RGS6: variants seen among roughly 807,000 people sequenced by gnomAD.
RGS6 encodes the protein regulator of G-protein signaling 6.
Under a neutral mutation model 78.5 loss-of-function variants are expected in RGS6, and 30 were observed. The observed-to-expected ratio is 0.38, with a 90% CI of 0.29 to 0.52. The LOEUF (loss-of-function observed/expected upper bound fraction) is 0.52, where lower values mean the gene tolerates loss of function less well. Ranked by LOEUF, RGS6 falls within the 20% of genes least tolerant of loss-of-function variation. The probability of loss-of-function intolerance (pLI) is 0.85; values close to 1 mark genes in which losing one functional copy is unlikely to be tolerated. For missense variants in RGS6, 495 were observed against 609.7 expected (o/e 0.81, Z 1.98); for synonymous variants, 206 against 206.0 (o/e 1.00, Z 0.00).
chr14:71,980,375 G>A (rs1415844147), intron 2 of RGS6, among the ~76,000 whole-genome samples: 1 of 150,874 alleles, frequency 6.6e-6, no homozygotes, highest in Non-Finnish European at 1.5e-5. Context: ...TTTACATTTT[G>A]GTATGATTTT....
chr14:72,456,104 C>G lies in RGS6; in HGVS notation c.235+1526C>G, dbSNP rs191578812. Among the ~76,000 whole-genome samples, 100 of 152,198 alleles carry G rather than the reference C, an allele frequency of 6.6e-4. 1 individual carries two copies. The East Asian group carries it at 0.016, about 24-fold the overall frequency. ...TGAAAATCTGTTATACTCTGATGCC[C>G]TTGGGAAGACATCATGGTATAGGGG... On this transcript the variant is annotated intron_variant, in intron 4 of 17. Coordinates refer to ENST00000553525, the MANE Select transcript of RGS6 (RefSeq NM_001204424.2).
rs762197558 is a variant in RGS6, at chr14:72,423,829, C to CA, written c.185-30695dup. Among the ~76,000 whole-genome samples, 20 of 151,908 alleles carry CA rather than the reference C, an allele frequency of 1.3e-4. No homozygotes were observed. The East Asian group carries it at 1.7e-3, about 13-fold the overall frequency. On this transcript the variant is annotated intron_variant, in intron 3 of 17. Coordinates refer to ENST00000553525, the MANE Select transcript of RGS6 (RefSeq NM_001204424.2). ...GTACCCCCGAGCCTAAAATAAAAGT[C>CA]AAAACAAAATATTCATTCCCAAATC...
intron 11 of RGS6, 38 bp downstream of exon 11, chr14:72,476,878 G>C (rs376357266): frequency 8.3e-6 from 13 of 1,563,558 alleles, no homozygotes; most frequent in Non-Finnish European, 1.1e-5. Flanking sequence ...AGGAGGAGAC[G>C]TGGCCAGTTT....
chr14:71,941,714 A>T (rs1253678912), intron 1 of RGS6, among the ~76,000 whole-genome samples: 1 of 152,194 alleles, frequency 6.6e-6, no homozygotes, highest in African/African-American at 2.4e-5. Context: ...ATTCGCTGGA[A>T]GCTGATTAGA....
intron 2 of RGS6, among the ~76,000 whole-genome samples, chr14:72,247,323 A>G (rs2054483863): frequency 6.6e-6 from 1 of 152,184 alleles, no homozygotes; most frequent in African/African-American, 2.4e-5. Context: ...GAAGTATCCC[A>G]TTAAAATGTA....
intron 2 of RGS6, among the ~76,000 whole-genome samples, chr14:72,124,289 C>T (rs947240473): frequency 1.3e-5 from 2 of 152,002 alleles, no homozygotes; most frequent in Non-Finnish European, 2.9e-5. Flanking sequence ...TTAGAAACTC[C>T]CAGAGATCTC....
the RGS6 span, among the ~76,000 whole-genome samples, chr14:72,604,156 C>T: frequency 6.6e-6 from 1 of 152,128 alleles, no homozygotes; most frequent in African/African-American, 2.4e-5. Context: ...GAAAATGGCC[C>T]TCTGTGTGTC....
At chr14:72,071,086 C>A (rs527811040) in intron 2 of RGS6, among the ~76,000 whole-genome samples, 23 of 151,874 alleles carry the variant, frequency 1.5e-4, no homozygotes, top group African/African-American at 5.6e-4. Context: ...TTTTTTAGTT[C>A]TACCACCTAT....
At chr14:72,575,497 A>G in the RGS6 span, among the ~76,000 whole-genome samples, 1 of 152,154 alleles carries the variant, frequency 6.6e-6, no homozygotes, top group Non-Finnish European at 1.5e-5. Flanking sequence ...TCTTGGACAG[A>G]GTTCATAGGT....
chr14:72,383,796 A>C (rs1484832227), intron 3 of RGS6, among the ~76,000 whole-genome samples: 2 of 152,110 alleles, frequency 1.3e-5, no homozygotes, highest in Non-Finnish European at 2.9e-5. Context: ...GCAGGCTTTC[A>C]AAGGGTGGGG....
intron 3 of RGS6, among the ~76,000 whole-genome samples, chr14:72,374,993 G>A (rs1210476320): frequency 1.3e-5 from 2 of 152,272 alleles, no homozygotes; most frequent in African/African-American, 4.8e-5. Context: ...ACATTAAACA[G>A]CAGATTTGAC....
chr14:72,592,640 T>C, the RGS6 span, among the ~76,000 whole-genome samples: 3 of 152,312 alleles, frequency 2.0e-5, no homozygotes, highest in African/African-American at 7.2e-5. Flanking sequence ...AAAATTTATT[T>C]GGAAAAAAAT....
chr14:72,486,344 C>T (rs546661218), intron 12 of RGS6, among the ~76,000 whole-genome samples: 8 of 152,290 alleles, frequency 5.3e-5, no homozygotes, highest in South Asian at 4.1e-4. Flanking sequence ...ACCTCACTTG[C>T]GTCAGGTATC....
intron 12 of RGS6, among the ~76,000 whole-genome samples, chr14:72,489,751 G>A (rs55943582): frequency 0.18 from 22,049 of 120,586 alleles, 1,665 homozygotes; most frequent in Admixed American, 0.26. Context: ...GAGACGAGGC[G>A]AGGCGAGGTG....
At chr14:72,521,344 C>T (rs771357522) in intron 15 of RGS6, among the ~76,000 whole-genome samples, 2 of 152,144 alleles carry the variant, frequency 1.3e-5, no homozygotes, top group African/African-American at 4.8e-5. Context: ...CATAGTATTC[C>T]GTTGTGTGGA....
intron 3 of RGS6, among the ~76,000 whole-genome samples, chr14:72,428,897 T>C (rs762927167): frequency 3.9e-5 from 6 of 151,932 alleles, no homozygotes; most frequent in Admixed American, 6.6e-5. Context: ...CTAGAAGGAG[T>C]GATTCTGCAA....
intron 2 of RGS6, among the ~76,000 whole-genome samples, chr14:72,264,038 A>G (rs2058622155): frequency 6.6e-6 from 1 of 152,190 alleles, no homozygotes; most frequent in Non-Finnish European, 1.5e-5. Flanking sequence ...TCTCATTAAC[A>G]TTTCTGCAGA....
rs374416055 is a variant in RGS6, at chr14:72,078,714, G to A, written c.84+113839G>A. On this transcript the variant is annotated intron_variant, in intron 2 of 17. Transcript: ENST00000553525. ...ATTACAGGCGTGAGCCACTGCGCCCGGCCAGGTATTTCTTTATAGCAGTGT... is the reference window on the plus strand; with the variant it reads ...ATTACAGGCGTGAGCCACTGCGCCCAGCCAGGTATTTCTTTATAGCAGTGT... 1.2e-4 allele frequency among the ~76,000 whole-genome samples: 19 copies of A among 152,188 alleles called. No individual in the cohort carries two copies. The South Asian group carries it at 2.5e-3, about 20-fold the overall frequency.
chr14:72,456,697 GTTCT>G (rs775952704), intron 4 of RGS6, among the ~76,000 whole-genome samples: 2 of 152,132 alleles, frequency 1.3e-5, no homozygotes, highest in Non-Finnish European at 2.9e-5. Flanking sequence ...ACAGGATTTT[GTTCT>G]TTCTTCTCTG....
Sources: allele counts gnomAD v4.1 joint callset (sites outside exome capture counted in the v4.1 genomes callset), GRCh38; gene constraint gnomAD v4.1.1; transcripts MANE v1.5; gene names NCBI Gene and HGNC (gene_info 2026-07-23, HGNC 2026-07-21).